Variants in RAB28 observed in about 807,000 individuals in gnomAD.
The protein encoded by RAB28 is ras-related protein Rab-28.
Under a neutral mutation model 31.7 loss-of-function variants are expected in RAB28, and 24 were observed. That is an observed-to-expected ratio of 0.76 (90% CI 0.55 to 1.06). The LOEUF (loss-of-function observed/expected upper bound fraction) is 1.06. Among genes scored for constraint, RAB28 ranks in the 50% least tolerant of loss-of-function variants. RAB28 has a pLI of 0.00. For missense variants in RAB28, 254 were observed against 258.5 expected (o/e 0.98, Z 0.12); for synonymous variants, 100 against 90.4 (o/e 1.11, Z -0.60).
intron 4 of RAB28, among the ~76,000 whole-genome samples, chr4:13,460,476 A>G (rs1350057505): frequency 2.0e-5 from 3 of 152,164 alleles, no homozygotes; most frequent in African/African-American, 7.2e-5. Flanking sequence ...TTGGCCTCCC[A>G]AAGTGCTGGG....
At chr4:13,371,219 C>A (rs1257164950) in intron 6 of RAB28, 1 of 985,260 alleles carries the variant, frequency 1.0e-6, no homozygotes, top group Non-Finnish European at 1.2e-6. Flanking sequence ...AACTTTTGGA[C>A]AAGACTCATG....
intron 6 of RAB28, among the ~76,000 whole-genome samples, chr4:13,376,291 A>G (rs1728919021): frequency 6.6e-6 from 1 of 152,162 alleles, no homozygotes; most frequent in African/African-American, 2.4e-5. Flanking sequence ...GTTAACCACT[A>G]ATAAAAATTT....
chr4:13,396,353 A>G (rs2108895946), intron 4 of RAB28, among the ~76,000 whole-genome samples: 1 of 152,160 alleles, frequency 6.6e-6, no homozygotes, highest in Admixed American at 6.5e-5. Flanking sequence ...CCCTACTCAG[A>G]TAGATAACAT....
At chr4:13,431,487 A>T (rs1713802802) in intron 4 of RAB28, among the ~76,000 whole-genome samples, 1 of 152,126 alleles carries the variant, frequency 6.6e-6, no homozygotes, top group African/African-American at 2.4e-5. Flanking sequence ...CATCTACTGG[A>T]TTATACCCAG....
chr4:13,376,374 G>C (rs190965965), intron 6 of RAB28, among the ~76,000 whole-genome samples, 171 bp downstream of exon 6: 1 of 152,198 alleles, frequency 6.6e-6, no homozygotes, highest in East Asian at 1.9e-4. Context: ...TTGGCAAAAA[G>C]TTAACATTCT....
intron 4 of RAB28, among the ~76,000 whole-genome samples, chr4:13,416,839 T>G (rs770127712): frequency 7.9e-5 from 12 of 152,200 alleles, no homozygotes; most frequent in Non-Finnish European, 1.6e-4. Flanking sequence ...AGATGGTGAT[T>G]TCTGCATTTC....
At chr4:13,388,195 A>G (rs1729464133) in intron 4 of RAB28, among the ~76,000 whole-genome samples, 1 of 152,058 alleles carries the variant, frequency 6.6e-6, no homozygotes, top group African/African-American at 2.4e-5. Flanking sequence ...AATAGAATAG[A>G]AAGCCCAGAA....
chr4:13,418,011 T>C (rs1439651747), intron 4 of RAB28, among the ~76,000 whole-genome samples: 1 of 152,164 alleles, frequency 6.6e-6, no homozygotes, highest in East Asian at 1.9e-4. Context: ...GAAAAAAGAT[T>C]ATAGACGAAT....
intron 4 of RAB28, among the ~76,000 whole-genome samples, chr4:13,404,430 CAAGTA>C (rs1350424617): frequency 1.3e-5 from 2 of 152,016 alleles, no homozygotes; most frequent in Non-Finnish European, 2.9e-5. Flanking sequence ...GGAAAAGTTA[CAAGTA>C]AAGATATTCC....
chr4:13,448,738 T>A lies in RAB28; in HGVS notation c.391+11961A>T, dbSNP rs563864906. ...AATTAAACTTGAAATGCTATCAACA[T>A]GTCCTTAAAATACAATAAGGAGTGT... On this transcript the variant is annotated intron_variant, in intron 4 of 6. Coordinates refer to ENST00000330852, the MANE Select transcript of RAB28 (RefSeq NM_001017979.3). Among the ~76,000 whole-genome samples, 167 of 152,186 alleles carry A rather than the reference T, an allele frequency of 1.1e-3. 2 individuals carry two copies. The highest frequency in any genetic ancestry group is 3.4e-3 in the Middle Eastern group (1 of 294).
chr4:13,483,247 G>A (rs1189344826), intron 1 of RAB28, among the ~76,000 whole-genome samples: 1 of 152,104 alleles, frequency 6.6e-6, no homozygotes, highest in African/African-American at 2.4e-5. Context: ...AGGAGCCCCT[G>A]CCTAGGAGAT....
intron 5 of RAB28, among the ~76,000 whole-genome samples, chr4:13,379,287 A>G (rs1729042472): frequency 6.6e-6 from 1 of 151,222 alleles, no homozygotes; most frequent in Non-Finnish European, 1.5e-5. Flanking sequence ...ATTACTGAGC[A>G]GCATTAAGGG....
At chr4:13,376,709 A>G (rs939282242) in intron 5 of RAB28, 87 bp from the exon 6 acceptor site, 1 of 855,040 alleles carries the variant, frequency 1.2e-6, no homozygotes, top group Admixed American at 2.7e-5. Context: ...AAAATGATAA[A>G]CAGCAATAAT....
chr4:13,379,205 CAAAAAA>C (rs34341516), intron 5 of RAB28, among the ~76,000 whole-genome samples: 2 of 57,964 alleles, frequency 3.5e-5, no homozygotes, highest in Non-Finnish European at 6.9e-5. Flanking sequence ...AACTCTGTCT[CAAAAAA>C]AAAAAAAAAA....
At chr4:13,413,982 T>C (rs1400434789) in intron 4 of RAB28, among the ~76,000 whole-genome samples, 1 of 152,170 alleles carries the variant, frequency 6.6e-6, no homozygotes, top group Non-Finnish European at 1.5e-5. Flanking sequence ...AGCACAAATA[T>C]GAGCATATGA....
intron 3 of RAB28, among the ~76,000 whole-genome samples, chr4:13,467,250 T>C (rs542668431): frequency 2.7e-4 from 41 of 152,058 alleles, no homozygotes; most frequent in African/African-American, 9.6e-4. Context: ...TTTCACATTG[T>C]ATTGATAAAT....
intron 6 of RAB28, among the ~76,000 whole-genome samples, chr4:13,373,939 A>ATG (rs1728819333): frequency 6.6e-6 from 1 of 151,652 alleles, no homozygotes; most frequent in African/African-American, 2.4e-5. Context: ...GTGTGTGTAT[A>ATG]TATATGTATG....
At chr4:13,482,067 T>C (rs1404793078) in intron 1 of RAB28, among the ~76,000 whole-genome samples, 1 of 152,152 alleles carries the variant, frequency 6.6e-6, no homozygotes, top group Non-Finnish European at 1.5e-5. Flanking sequence ...TGTTACAGTT[T>C]TAAAATAAGT....
intron 4 of RAB28, among the ~76,000 whole-genome samples, chr4:13,416,432 C>T (rs1025007448): frequency 4.6e-5 from 7 of 152,116 alleles, no homozygotes; most frequent in African/African-American, 7.2e-5. Flanking sequence ...CGCGAGGGTC[C>T]GCGGCTTCAT....
Sources: gnomAD v4.1 joint callset for allele counts (sites outside exome capture counted in the v4.1 genomes callset) on GRCh38, gnomAD v4.1.1 for gene constraint, MANE v1.5 for transcripts, NCBI Gene and HGNC (gene_info 2026-07-23, HGNC 2026-07-21) for gene names.